Variants in DRC11 observed in about 807,000 individuals in gnomAD.
DRC11 encodes the protein IQ and AAA domain-containing protein 1.
chr2:236,373,701 T>C, the DRC11 span, among the ~76,000 whole-genome samples: 1 of 152,224 alleles, frequency 6.6e-6, no homozygotes, highest in Non-Finnish European at 1.5e-5. Flanking sequence ...TTGCTCAAAT[T>C]TATATGAGTG....
the DRC11 span, among the ~76,000 whole-genome samples, chr2:236,383,416 T>G: frequency 6.6e-6 from 1 of 152,128 alleles, no homozygotes; most frequent in African/African-American, 2.4e-5. Flanking sequence ...TTTTTCCTAT[T>G]GTCTATCTAT....
chr2:236,408,880 C>T, the DRC11 span: 34 of 654,246 alleles, frequency 5.2e-5, no homozygotes, highest in East Asian at 5.8e-4. This position sits in a 1 kb window ranked among gnomAD's most constrained non-coding sequence, Gnocchi z 5.5. Context: ...TTCTTGTTCA[C>T]GTTGGATCCT....
chr2:236,341,274 G>A, the DRC11 span, among the ~76,000 whole-genome samples: 10 of 152,202 alleles, frequency 6.6e-5, no homozygotes, highest in African/African-American at 1.9e-4. Flanking sequence ...GGAGCAGCCC[G>A]TGCGCCTCAT....
At chr2:236,477,895 G>A in the DRC11 span, among the ~76,000 whole-genome samples, 3 of 151,952 alleles carry the variant, frequency 2.0e-5, no homozygotes, top group Admixed American at 2.0e-4. Context: ...CCTCTTAAAT[G>A]TCTGATTTCC....
At chr2:236,397,479 G>A in the DRC11 span, among the ~76,000 whole-genome samples, 2 of 152,330 alleles carry the variant, frequency 1.3e-5, no homozygotes, top group South Asian at 2.1e-4. This position sits in a 1 kb window ranked among gnomAD's most constrained non-coding sequence, Gnocchi z 5.0. Flanking sequence ...AAATGAGGGA[G>A]AGGCAAGAAG....
chr2:236,399,434 C>T, the DRC11 span: 1 of 1,613,982 alleles, frequency 6.2e-7, no homozygotes, highest in Middle Eastern at 1.6e-4. This position sits in a 1 kb window ranked among gnomAD's most constrained non-coding sequence, Gnocchi z 7.0. Context: ...TTACATCCTT[C>T]CTTCATTGCA....
chr2:236,327,135 C>T, the DRC11 span, among the ~76,000 whole-genome samples: 3 of 152,168 alleles, frequency 2.0e-5, no homozygotes, highest in African/African-American at 7.2e-5. Context: ...AAATACAGAA[C>T]CAGGTCTTAT....
chr2:236,423,590 T>C, the DRC11 span, among the ~76,000 whole-genome samples: 1 of 152,208 alleles, frequency 6.6e-6, no homozygotes, highest in South Asian at 2.1e-4. Flanking sequence ...GGAACACTTT[T>C]ACACTGTTGG....
At chr2:236,473,988 TA>T in the DRC11 span, among the ~76,000 whole-genome samples, 1 of 152,150 alleles carries the variant, frequency 6.6e-6, no homozygotes, top group Non-Finnish European at 1.5e-5. The surrounding 1 kb of genome is among the most constrained non-coding windows in gnomAD (Gnocchi z 4.8). Context: ...AATGAAATCA[TA>T]AAAAATAAAT....
the DRC11 span, among the ~76,000 whole-genome samples, chr2:236,354,472 TAACTC>T: frequency 6.6e-6 from 1 of 152,080 alleles, no homozygotes; most frequent in East Asian, 1.9e-4. Flanking sequence ...CACCTGAACT[TAACTC>T]TTGAAGCCCC....
At chr2:236,372,547 A>C in the DRC11 span, among the ~76,000 whole-genome samples, 3 of 152,184 alleles carry the variant, frequency 2.0e-5, no homozygotes, top group Non-Finnish European at 4.4e-5. This position sits in a 1 kb window ranked among gnomAD's most constrained non-coding sequence, Gnocchi z 4.5. Context: ...AGCGAGCTGC[A>C]CTTTTTTTTT....
At chr2:236,403,763 G>T in the DRC11 span, among the ~76,000 whole-genome samples, 4,744 of 151,996 alleles carry the variant, frequency 0.031, 96 homozygotes, top group Non-Finnish European at 0.046. Flanking sequence ...AACCTTTCCT[G>T]AGCAGCTACT....
At chr2:236,415,147 TATCCTATCTA>T in the DRC11 span, among the ~76,000 whole-genome samples, 1 of 152,152 alleles carries the variant, frequency 6.6e-6, no homozygotes, top group Admixed American at 6.5e-5. This position sits in a 1 kb window ranked among gnomAD's most constrained non-coding sequence, Gnocchi z 5.7. Context: ...CAGATAGGAT[TATCCTATCTA>T]ATCCTATCTG....
chr2:236,477,373 T>C, the DRC11 span, among the ~76,000 whole-genome samples: 3 of 152,280 alleles, frequency 2.0e-5, no homozygotes, highest in South Asian at 6.2e-4. Flanking sequence ...AAAGAGAAGA[T>C]TATTTACTGC....
the DRC11 span, among the ~76,000 whole-genome samples, chr2:236,422,042 C>T: frequency 0.021 from 3,182 of 152,102 alleles, 90 homozygotes; most frequent in African/African-American, 0.065. Flanking sequence ...AATTAGGTAT[C>T]GATGGGACGT....
the DRC11 span, among the ~76,000 whole-genome samples, chr2:236,411,436 A>C: frequency 4.0e-5 from 6 of 151,728 alleles, no homozygotes; most frequent in Non-Finnish European, 8.8e-5. Flanking sequence ...GAACACTTTT[A>C]CACTGTTGGT....
chr2:236,339,138 T>G, the DRC11 span, among the ~76,000 whole-genome samples: 1 of 152,230 alleles, frequency 6.6e-6, no homozygotes, highest in African/African-American at 2.4e-5. Context: ...AGGCCATTTT[T>G]GCTCCCATTT....
chr2:236,356,998 AT>A, the DRC11 span, among the ~76,000 whole-genome samples: 5 of 86,204 alleles, frequency 5.8e-5, no homozygotes, highest in East Asian at 2.2e-4. Context: ...ATATCTATAT[AT>A]TTATATATTC....
chr2:236,470,850 G>A, the DRC11 span, among the ~76,000 whole-genome samples: 1 of 152,142 alleles, frequency 6.6e-6, no homozygotes, highest in South Asian at 2.1e-4. This position sits in a 1 kb window ranked among gnomAD's most constrained non-coding sequence, Gnocchi z 5.1. Flanking sequence ...AATAAAAAAT[G>A]TTCTAGCCTG....
Sources: gnomAD v4.1 joint callset for allele counts (sites outside exome capture counted in the v4.1 genomes callset) on GRCh38, gnomAD v4.1.1 for gene constraint, Gnocchi (gnomAD v3.1) non-coding constraint, MANE v1.5 for transcripts, NCBI Gene and HGNC (gene_info 2026-07-23, HGNC 2026-07-21) for gene names.